The following RFTN1 variants were observed in gnomAD, a reference collection of about 807,000 sequenced individuals.
RFTN1 encodes raftlin.
A neutral mutation model predicts 46.5 loss-of-function variants in RFTN1; 26 were observed. The ratio of observed to expected loss-of-function variants is 0.56; its 90% confidence interval spans 0.41 to 0.78. RFTN1 has a LOEUF of 0.78. Ranked by LOEUF, RFTN1 falls within the 30% of genes least tolerant of loss-of-function variation. The probability of loss-of-function intolerance (pLI) is 0.00; values close to 1 mark genes in which losing one functional copy is unlikely to be tolerated. For missense variants in RFTN1, 693 were observed against 718.7 expected, an observed-to-expected ratio of 0.96 and a Z score of 0.41; for synonymous variants, 261 against 284.2, an observed-to-expected ratio of 0.92 and a Z score of 0.82.
rs75365623 is a variant in RFTN1 at position 16,387,612 on chromosome 3, A to C, written c.442-9510T>G. Among the ~76,000 whole-genome samples, 70 of 57,530 alleles carry C rather than the reference A, an allele frequency of 1.2e-3. 1 individual carries two copies. Among genetic ancestry groups the C allele is most frequent in the Middle Eastern group, 8.6e-3 (1 of 116 alleles). The allele number at this position is 57,530 out of a possible 152,430, so 37.7% of individuals were successfully genotyped here. A position where few individuals can be genotyped will look rare whatever the true frequency, so the allele number is the denominator to read the frequency against. On this transcript the variant is annotated intron_variant, in intron 4 of 9. Coordinates refer to ENST00000334133, the MANE Select transcript of RFTN1 (RefSeq NM_015150.2). The surrounding 1 kb of genome is among the most constrained non-coding windows in gnomAD (Gnocchi z 5.2). ...TCTCTCTCTCTCTCTCTCTCTCTCTACTGGCTCCTTCCACTCAGCATACAA... is the reference window on the plus strand; with the variant it reads ...TCTCTCTCTCTCTCTCTCTCTCTCTCCTGGCTCCTTCCACTCAGCATACAA...
In RFTN1 at chr3:16,323,365, A is replaced by G. The variant is rs751034312; in HGVS notation, c.1332+11T>C. The G allele has an allele frequency of 2.5e-6, 4 of 1,594,258 alleles. No homozygotes were observed. The highest frequency in any genetic ancestry group is 3.4e-6 in the Non-Finnish European group (4 of 1,162,482). ...TGAGGAAAACCTAGGAAGGCCATCA[A>G]AGTCTCTTACCTTCGATTCCTTCTT... On this transcript the variant is annotated intron_variant, in intron 9 of 9. Coordinates refer to ENST00000334133, the MANE Select transcript of RFTN1 (RefSeq NM_015150.2).
intron 2 of RFTN1, among the ~76,000 whole-genome samples, chr3:16,487,653 C>T (rs6781975): frequency 0.013 from 2,018 of 152,302 alleles, 57 homozygotes; most frequent in African/African-American, 0.047. Flanking sequence ...GCCCTGGGCA[C>T]CGGCCTCATT....
At chr3:16,478,724 T>C (rs7627823) in intron 2 of RFTN1, among the ~76,000 whole-genome samples, 4,963 of 152,156 alleles carry the variant, frequency 0.033, 162 homozygotes, top group East Asian at 0.12. Context: ...ATGCACACAG[T>C]TGTTGAGCAA....
chr3:16,325,855 A>G (rs750444507), intron 8 of RFTN1, among the ~76,000 whole-genome samples: 1 of 152,338 alleles, frequency 6.6e-6, no homozygotes, highest in East Asian at 1.9e-4. Context: ...CATGCTGTCC[A>G]TCACTCTGCA....
chr3:16,382,824 A>T lies in RFTN1; in HGVS notation c.442-4722T>A, dbSNP rs1159844143. On this transcript the variant is annotated intron_variant, in intron 4 of 9. Transcript: ENST00000334133. This position sits in a 1 kb window ranked among gnomAD's most constrained non-coding sequence, Gnocchi z 4.7. ...GCTCACTTTATTTCAAGCCCTCATC[A>T]TCTGTTGCTGGACATCACCATGACC... Among the ~76,000 whole-genome samples the T allele has an allele frequency of 2.6e-5, 4 of 152,206 alleles. No individual in the cohort carries two copies. Among genetic ancestry groups the T allele is most frequent in the Non-Finnish European group, 5.9e-5 (4 of 68,014 alleles).
At position 16,345,813 on chromosome 3, in the gene RFTN1, TGTGTGC is replaced by T. The variant is rs752278928; in HGVS notation, c.1146+12113_1146+12118del. Among the ~76,000 whole-genome samples, 7 of 84,736 alleles carry T rather than the reference TGTGTGC, an allele frequency of 8.3e-5. No homozygotes were observed. Among genetic ancestry groups the T allele is most frequent in the South Asian group, 3.7e-4 (1 of 2,704 alleles). 55.6% of individuals were successfully genotyped at this position (84,736 alleles called of 152,430 possible). A position where few individuals can be genotyped will look rare whatever the true frequency, so the allele number is the denominator to read the frequency against. ...CTGTGTGTGTGTGTGTGTGTGTGTG[TGTGTGC>T]GCGCGCGCGTGCGCGCACGCGCACA... On this transcript the variant is annotated intron_variant, in intron 7 of 9. Coordinates refer to ENST00000334133, the MANE Select transcript of RFTN1 (RefSeq NM_015150.2). This position sits in a 1 kb window ranked among gnomAD's most constrained non-coding sequence, Gnocchi z 5.2.
intron 7 of RFTN1, among the ~76,000 whole-genome samples, chr3:16,332,973 A>T (rs916720980): frequency 6.6e-6 from 1 of 152,332 alleles, no homozygotes; most frequent in South Asian, 2.1e-4. Context: ...TCTTGGAAGC[A>T]TCTGGTCGCA....
At chr3:16,349,016 A>C (rs2071916462) in intron 7 of RFTN1, among the ~76,000 whole-genome samples, 1 of 152,216 alleles carries the variant, frequency 6.6e-6, no homozygotes, top group East Asian at 1.9e-4. Flanking sequence ...ACAGGGTCAA[A>C]GTTTCAGATC....
At chr3:16,477,964 C>A (rs139098426) in intron 2 of RFTN1, among the ~76,000 whole-genome samples, 157 of 152,352 alleles carry the variant, frequency 1.0e-3, no homozygotes, top group African/African-American at 3.7e-3. Flanking sequence ...TGTGTCTCCA[C>A]AGTATCAAAG....
At position 16,316,866 on chromosome 3, in the gene RFTN1, C is replaced by T. The variant is rs1238485461; in HGVS notation, c.1699G>A (p.Glu567Lys). 3 of 1,614,194 alleles carry T rather than the reference C, an allele frequency of 1.9e-6. No homozygotes were observed. The highest frequency in any genetic ancestry group is 2.5e-6 in the Non-Finnish European group (3 of 1,180,034). The change falls in exon 10 of 10, where the codon GAG (glutamate) becomes AAG (lysine). Residue 567 changes from glutamate to lysine, a missense_variant. Coordinates refer to ENST00000334133, the MANE Select transcript of RFTN1 (RefSeq NM_015150.2). The surrounding 1 kb of genome is among the most constrained non-coding windows in gnomAD (Gnocchi z 4.5). Reference sequence around the variant, plus strand: ...ACCGTACCAAGCTCTCTGACTTCCTCAGCATCCCCGTCCCTGGCATCCTCT... The same window carrying T: ...ACCGTACCAAGCTCTCTGACTTCCTTAGCATCCCCGTCCCTGGCATCCTCT... ...PGEDARDGDA[E>K]EVRELGTVEE...
intron 4 of RFTN1, among the ~76,000 whole-genome samples, chr3:16,408,405 A>C (rs2074911672): frequency 6.6e-6 from 1 of 152,044 alleles, no homozygotes; most frequent in Non-Finnish European, 1.5e-5. Flanking sequence ...ATTTATTAAC[A>C]AATTCCCTAA....
chr3:16,434,351 C>A (rs1319286703), intron 2 of RFTN1, among the ~76,000 whole-genome samples: 1 of 145,856 alleles, frequency 6.9e-6, no homozygotes, highest in Admixed American at 7.0e-5. Flanking sequence ...TAGTAAAACT[C>A]GGTCTCTCTT....
At position 16,351,544 on chromosome 3, in the gene RFTN1, T is replaced by TA. The variant is rs138688205; in HGVS notation, c.1146+6387dup. Among the ~76,000 whole-genome samples, 238 of 152,316 alleles carry TA rather than the reference T, an allele frequency of 1.6e-3. 1 individual carries two copies. Among genetic ancestry groups the TA allele is most frequent in the African/African-American group, 5.3e-3 (220 of 41,558 alleles). ...GGTTGCAGAGGCTGTAATGATACCC[T>TA]AAGCCATTCTACCTGAGGCTGTACT... is the stretch of plus-strand genomic sequence containing the variant. On this transcript the variant is annotated intron_variant, in intron 7 of 9. Coordinates refer to ENST00000334133, the MANE Select transcript of RFTN1 (RefSeq NM_015150.2). This position sits in a 1 kb window ranked among gnomAD's most constrained non-coding sequence, Gnocchi z 5.4.
chr3:16,479,535 C>T lies in RFTN1; in HGVS notation c.145+14190G>A, dbSNP rs913235524. Among the ~76,000 whole-genome samples, 19 of 152,208 alleles carry T rather than the reference C, an allele frequency of 1.2e-4. No individual in the cohort carries two copies. The highest frequency in any genetic ancestry group is 2.6e-4 in the Non-Finnish European group (18 of 68,034). ...GCACACCTTTACAGCATTATTCCAG[C>T]CTGGGCTATTAGAAACAGCATCAGT... is the stretch of plus-strand genomic sequence containing the variant. On this transcript the variant is annotated intron_variant, in intron 2 of 9. Transcript: ENST00000334133. This position sits in a 1 kb window ranked among gnomAD's most constrained non-coding sequence, Gnocchi z 5.1.
rs1422190981 is a variant in RFTN1, at chr3:16,337,742, A to G, written c.1147-10866T>C. 2.4e-5 allele frequency among the ~76,000 whole-genome samples: 2 copies of G among 82,872 alleles called. No homozygotes were observed. Among genetic ancestry groups the G allele is most frequent in the Admixed American group, 2.3e-4 (2 of 8,710 alleles). 54.4% of individuals were successfully genotyped at this position (82,872 alleles called of 152,430 possible). A position where few individuals can be genotyped will look rare whatever the true frequency, so the allele number is the denominator to read the frequency against. On this transcript the variant is annotated intron_variant, in intron 7 of 9. Transcript: ENST00000334133. The surrounding 1 kb of genome is among the most constrained non-coding windows in gnomAD (Gnocchi z 5.0). ...GGCGACAGAGCGAGACTCCATCTCA[A>G]AAAAAAAAAAAAAAAGAAAAGAAAG...
At chr3:16,325,223 C>T (rs2069576757) in intron 8 of RFTN1, among the ~76,000 whole-genome samples, 1 of 152,172 alleles carries the variant, frequency 6.6e-6, no homozygotes, top group African/African-American at 2.4e-5. Context: ...AATCCAACTA[C>T]CACTTTTATA....
Position 16,465,284 on chromosome 3 carries a change from T to C in RFTN1, c.145+28441A>G, listed in dbSNP as rs2076070336. 1.3e-5 allele frequency among the ~76,000 whole-genome samples: 2 copies of C among 151,836 alleles called. No individual in the cohort carries two copies. Among genetic ancestry groups the C allele is most frequent in the African/African-American group, 4.8e-5 (2 of 41,346 alleles). ...GTTGTTGTTGTTCAGAAAATGAACA[T>C]ATAAGGAAGAAAAATGAGAAGTATC... On this transcript the variant is annotated intron_variant, in intron 2 of 9. Coordinates refer to ENST00000334133, the MANE Select transcript of RFTN1 (RefSeq NM_015150.2). This position sits in a 1 kb window ranked among gnomAD's most constrained non-coding sequence, Gnocchi z 5.1.
intron 1 of RFTN1, among the ~76,000 whole-genome samples, chr3:16,501,537 G>C (rs1357788163): frequency 6.6e-6 from 1 of 152,206 alleles, no homozygotes; most frequent in Non-Finnish European, 1.5e-5. Flanking sequence ...AAGGCAGCCT[G>C]TAAAGCTAAT....
In RFTN1 at chr3:16,352,975, G is replaced by A. The variant is rs1439306514; in HGVS notation, c.1146+4957C>T. 1.3e-5 allele frequency among the ~76,000 whole-genome samples: 2 copies of A among 152,150 alleles called. No individual in the cohort carries two copies. Among genetic ancestry groups the A allele is most frequent in the African/African-American group, 2.4e-5 (1 of 41,422 alleles). Reference sequence around the variant, plus strand: ...GTGTGTCCATGCACGTGAAGAGAGAGGGAAGCCAGCGAGACAGGGTGGAAT... The same window carrying A: ...GTGTGTCCATGCACGTGAAGAGAGAAGGAAGCCAGCGAGACAGGGTGGAAT... On this transcript the variant is annotated intron_variant, in intron 7 of 9. Coordinates refer to ENST00000334133, the MANE Select transcript of RFTN1 (RefSeq NM_015150.2). This position sits in a 1 kb window ranked among gnomAD's most constrained non-coding sequence, Gnocchi z 4.6.
Sources: allele counts gnomAD v4.1 joint callset (sites outside exome capture counted in the v4.1 genomes callset), GRCh38; gene constraint gnomAD v4.1.1; non-coding constraint Gnocchi (gnomAD v3.1); transcripts MANE v1.5; gene names NCBI Gene and HGNC (gene_info 2026-07-23, HGNC 2026-07-21).